CENPV: variants seen among roughly 807,000 people sequenced by gnomAD.
The protein encoded by CENPV is centromere protein V, also known as nuclear protein p30.
Under a neutral mutation model 26.4 loss-of-function variants are expected in CENPV, and 15 were observed. The ratio of observed to expected loss-of-function variants is 0.57; its 90% CI spans 0.38 to 0.88. CENPV has a LOEUF of 0.88. CENPV is among the 40% of genes least tolerant of loss of function. The pLI is 0.00. For missense variants in CENPV, 336 were observed against 376.5 expected (o/e 0.89, Z 0.89); for synonymous variants, 172 against 165.5 (o/e 1.04, Z -0.30).
At chr17:16,352,907 T>C in intron 1 of CENPV, 120 bp downstream of exon 1, 1 of 1,326,852 alleles carries the variant, frequency 7.5e-7, no homozygotes, top group Non-Finnish European at 9.7e-7. Context: ...GTCGGCTCCG[T>C]AACGTGGAAG....
chr17:16,346,841 TTTTTGTTTTG>T (rs201301054), intron 3 of CENPV, among the ~76,000 whole-genome samples: 81 of 151,356 alleles, frequency 5.4e-4, no homozygotes, highest in Non-Finnish European at 1.0e-3. Context: ...ATGTGTGGTG[TTTTTGTTTTG>T]TTTTGTTTTG....
intron 4 of CENPV, 86 bp from the exon 5 acceptor site, chr17:16,343,027 G>A: frequency 6.8e-7 from 1 of 1,478,400 alleles, no homozygotes; most frequent in Non-Finnish European, 9.3e-7. Context: ...GCCCCCACCT[G>A]CAGGCATCAT....
chr17:16,352,822 A>C (rs962409716), intron 1 of CENPV, among the ~76,000 whole-genome samples: 6 of 151,674 alleles, frequency 4.0e-5, no homozygotes, highest in African/African-American at 1.5e-4. Flanking sequence ...CCCAGGCCAC[A>C]CAGCCCTAGA....
At position 16,353,086 on chromosome 17, in the gene CENPV, C is replaced by A. The variant is rs1178512827; in HGVS notation, c.351G>T (p.Thr117=). The stretch of plus-strand genomic sequence containing the variant: ...AGGTAAGCTTCTGCCGCTTCTGGAA[C>A]GTCTCCCAGCGCTCCCGCTGCTCGC... ...DLGEQRERWE[T]FQKRQKLTSE... Residue 117 remains threonine, a synonymous_variant, in exon 1 of 5, where the codon ACG becomes ACT. Transcript: ENST00000299736. 2.5e-6 allele frequency: 4 copies of A among 1,573,408 alleles called. No homozygotes were observed. Among genetic ancestry groups the A allele is most frequent in the Admixed American group, 1.8e-5 (1 of 56,168 alleles).
chr17:16,349,829 GCCAATGTTT>G (rs2093222018), intron 2 of CENPV, 93 bp downstream of exon 2: 1 of 1,505,346 alleles, frequency 6.6e-7, no homozygotes, highest in Non-Finnish European at 8.9e-7. Context: ...CCAGCCCAAG[GCCAATGTTT>G]CCTCTGTACC....
Position 16,353,028 on chromosome 17 carries a change from AG to A in CENPV, c.408del (p.Phe137LeufsTer7). On this transcript the variant is annotated frameshift_variant and splice_region_variant, in exon 1 of 5. Transcript: ENST00000299736. LOFTEE classifies it high-confidence loss of function. Reference sequence around the variant, plus strand: ...CGCCCCCCGGCCCGCCGCACTCACAAGGTGTCTAGCAGGAGCTTGGCGGCAC... The same window carrying A: ...CGCCCCCCGGCCCGCCGCACTCACAAGTGTCTAGCAGGAGCTTGGCGGCAC... ...SEGAAKLLLD[T>X]FEYQGLVKHT... 1 of 1,569,794 alleles carries A rather than the reference AG, an allele frequency of 6.4e-7. No individual in the cohort carries two copies. The highest frequency in any genetic ancestry group is 8.6e-7 in the Non-Finnish European group (1 of 1,159,770).
At chr17:16,348,584 T>C (rs1203269806) in intron 3 of CENPV, 32 bp downstream of exon 3, 4 of 1,613,646 alleles carry the variant, frequency 2.5e-6, no homozygotes, top group Non-Finnish European at 2.5e-6. Context: ...CAATGGGTTC[T>C]GCACTCCTTG....
At position 16,344,712 on chromosome 17, in the gene CENPV, C is replaced by A; in HGVS notation, c.580-1G>T. On this transcript the variant is annotated splice_acceptor_variant, in intron 3 of 4. Transcript: ENST00000299736. LOFTEE classifies it high-confidence loss of function. ...TGTAAGTCGTTATGTGCTCAGCTCCCTAGGTGAAAACAGACAAACGGTATT... is the reference window on the plus strand; with the variant it reads ...TGTAAGTCGTTATGTGCTCAGCTCCATAGGTGAAAACAGACAAACGGTATT... 1 of 1,549,484 alleles carries A rather than the reference C, an allele frequency of 6.5e-7. No individual in the cohort carries two copies. Among genetic ancestry groups the A allele is most frequent in the Non-Finnish European group, 8.8e-7 (1 of 1,142,346 alleles).
chr17:16,349,734 G>GT (rs2093221690), intron 2 of CENPV, 197 bp downstream of exon 2: 1 of 1,371,156 alleles, frequency 7.3e-7, no homozygotes, highest in African/African-American at 1.5e-5. Context: ...GGGCCATGCT[G>GT]TTGAAGCTCT....
intron 2 of CENPV, chr17:16,348,974 C>T (rs1390254366): frequency 4.5e-6 from 5 of 1,101,404 alleles, no homozygotes; most frequent in Non-Finnish European, 5.6e-6. Flanking sequence ...TGAAGAGAAG[C>T]GCTGGACTTC....
At chr17:16,345,211 G>A (rs1180050975) in intron 3 of CENPV, among the ~76,000 whole-genome samples, 1 of 146,398 alleles carries the variant, frequency 6.8e-6, no homozygotes, top group African/African-American at 2.6e-5. Flanking sequence ...GCAGTGAGCC[G>A]AGATCATGCC....
At chr17:16,349,583 T>C in intron 2 of CENPV, 1 of 1,031,878 alleles carries the variant, frequency 9.7e-7, no homozygotes, top group Non-Finnish European at 1.2e-6. Flanking sequence ...TAGACTTCTA[T>C]GAAGATTCTG....
intron 2 of CENPV, chr17:16,349,664 C>T: frequency 8.3e-7 from 1 of 1,211,882 alleles, no homozygotes; most frequent in African/African-American, 1.6e-5. Context: ...TCAGCAGTGT[C>T]AGTCTGAGGG....
chr17:16,352,375 A>G (rs1281505455), intron 1 of CENPV, among the ~76,000 whole-genome samples: 2 of 152,160 alleles, frequency 1.3e-5, no homozygotes, highest in Non-Finnish European at 2.9e-5. Context: ...AGCGGCAGGG[A>G]GCATTAGCTG....
At chr17:16,352,643 G>A (rs1335182023) in intron 1 of CENPV, among the ~76,000 whole-genome samples, 3 of 152,156 alleles carry the variant, frequency 2.0e-5, no homozygotes, top group African/African-American at 7.2e-5. Context: ...ATTCGGGTAA[G>A]AGAAAGCCGT....
In CENPV at chr17:16,353,341, C is replaced by A; in HGVS notation, c.96G>T (p.Leu32Phe). The A allele has an allele frequency of 7.5e-7, 1 of 1,333,416 alleles. No individual in the cohort carries two copies. The highest frequency in any genetic ancestry group is 9.6e-7 in the Non-Finnish European group (1 of 1,040,820). 82.6% of individuals were successfully genotyped at this position (1,333,416 alleles called of 1,614,324 possible). ...AAPAASAAAA[L>F]APSATRTRRS... ...GCCGTGTGCGGGTGGCGCTGGGTGC[C>A]AAGGCAGCGGCCGCGGAGGCCGCGG... The change falls in exon 1 of 5, where the codon TTG (leucine) becomes TTT (phenylalanine). Residue 32 changes from leucine to phenylalanine, a missense_variant. Leu to Phe is a conservative substitution (Grantham distance 22). Transcript: ENST00000299736.
intron 1 of CENPV, chr17:16,351,286 A>G (rs2093227975): frequency 6.6e-6 from 1 of 152,228 alleles, no homozygotes; most frequent in Admixed American, 6.5e-5. Flanking sequence ...AGAAATGAAC[A>G]TTAAGATCTG....
chr17:16,344,797 G>T (rs1438682248), intron 3 of CENPV, 86 bp from the exon 4 acceptor site: 2 of 699,022 alleles, frequency 2.9e-6, no homozygotes, highest in Non-Finnish European at 2.1e-6. Flanking sequence ...TTGAGACAGA[G>T]TCTCCCACTG....
chr17:16,349,824 C>A (rs2093221992), intron 2 of CENPV, 107 bp downstream of exon 2: 9 of 1,498,706 alleles, frequency 6.0e-6, no homozygotes, highest in Non-Finnish European at 7.1e-6. Flanking sequence ...AGTTACCAGC[C>A]CAAGGCCAAT....
Sources: gnomAD v4.1 joint callset for allele counts (sites outside exome capture counted in the v4.1 genomes callset) on GRCh38, gnomAD v4.1.1 for gene constraint, MANE v1.5 for transcripts, NCBI Gene and HGNC (gene_info 2026-07-23, HGNC 2026-07-21) for gene names.